The following SMYD1 variants were observed in gnomAD, a reference collection of about 807,000 sequenced individuals.
SMYD1 encodes the protein histone-lysine N-methyltransferase SMYD1.
Under a neutral mutation model 54.0 loss-of-function variants are expected in SMYD1, and 49 were observed. The ratio of observed to expected loss-of-function variants is 0.91; its 90% CI spans 0.72 to 1.15. The LOEUF (loss-of-function observed/expected upper bound fraction) is 1.15, where lower values mean the gene tolerates loss of function less well. Among genes scored for constraint, SMYD1 ranks in the 50% most tolerant of loss-of-function variants. SMYD1 has a pLI of 0.00. For synonymous variants in SMYD1, 269 were observed against 234.2 expected (o/e 1.15, Z -1.36); for missense variants, 653 against 639.6 (o/e 1.02, Z -0.23).
intron 8 of SMYD1, among the ~76,000 whole-genome samples, chr2:88,107,577 G>A (rs1345848741): frequency 6.6e-6 from 1 of 152,198 alleles, no homozygotes; most frequent in African/African-American, 2.4e-5. Context: ...TCCTTGAGCT[G>A]CAGTGGGCTC....
chr2:88,091,372 G>A (rs1298573903), intron 4 of SMYD1, among the ~76,000 whole-genome samples: 2 of 152,180 alleles, frequency 1.3e-5, no homozygotes, highest in African/African-American at 2.4e-5. Context: ...GTTTCTTGGG[G>A]CTGCCTGGAC....
rs59808789 is a variant in SMYD1, at chr2:88,089,585, G to GTTTTTT, written c.529-1408_529-1403dup. ...TTTTCAGGAGCCAGAGCTTCTACCT[G>GTTTTTT]TTTTTTTTTTTTTTTTTTTTTTTTG... On this transcript the variant is annotated intron_variant, in intron 3 of 9. Coordinates refer to ENST00000419482, the MANE Select transcript of SMYD1 (RefSeq NM_198274.4). Among the ~76,000 whole-genome samples, 9 of 107,014 alleles carry GTTTTTT rather than the reference G, an allele frequency of 8.4e-5. 1 individual carries two copies. The highest frequency in any genetic ancestry group is 7.3e-4 in the South Asian group (2 of 2,748). The allele number at this position is 107,014 out of a possible 152,430, so 70.2% of individuals were successfully genotyped here.
intron 1 of SMYD1, 145 bp downstream of exon 1, chr2:88,068,146 T>C: frequency 8.6e-7 from 1 of 1,165,750 alleles, no homozygotes. Flanking sequence ...AGAGCTAATT[T>C]TTCTGGCACA....
chr2:88,072,129 A>G (rs1467667664), intron 1 of SMYD1, among the ~76,000 whole-genome samples: 1 of 152,058 alleles, frequency 6.6e-6, no homozygotes, highest in Non-Finnish European at 1.5e-5. Context: ...GGGGTCCTGG[A>G]AGAAATACTA....
intron 1 of SMYD1, among the ~76,000 whole-genome samples, chr2:88,076,147 G>C (rs545576196): frequency 6.6e-6 from 1 of 152,276 alleles, no homozygotes; most frequent in Non-Finnish European, 1.5e-5. Flanking sequence ...TGTGGGTCCT[G>C]CCTTGTTTAT....
intron 2 of SMYD1, among the ~76,000 whole-genome samples, chr2:88,087,168 G>T (rs2103992191): frequency 6.6e-6 from 1 of 151,174 alleles, no homozygotes. Context: ...ACCTCTGGAG[G>T]TTAGCATAGC....
intron 1 of SMYD1, among the ~76,000 whole-genome samples, chr2:88,078,176 G>A (rs1674111817): frequency 6.6e-6 from 1 of 152,198 alleles, no homozygotes. Flanking sequence ...CTCTCTGAGT[G>A]ACAGGCAGGA....
rs1674448983 is a variant in SMYD1 at position 88,091,035 on chromosome 2, C to A, written c.552C>A (p.Leu184=). 1 of 1,613,858 alleles carries A rather than the reference C, an allele frequency of 6.2e-7. No individual in the cohort carries two copies. The highest frequency in any genetic ancestry group is 1.3e-5 in the African/African-American group (1 of 74,910). The change falls in exon 4 of 10, where the codon CTC becomes CTA. Residue 184 remains leucine, a synonymous_variant. Transcript: ENST00000419482. ...AGATTAACTGCAACGGTTTTACTCT[C>A]AGTGATCAGAGAGGCCTGCAGGCCG... ...FGVINCNGFT[L]SDQRGLQAVG... is the part of the protein sequence containing the mutation.
At chr2:88,076,387 T>TTTTG (rs1558846938) in intron 1 of SMYD1, among the ~76,000 whole-genome samples, 2 of 152,150 alleles carry the variant, frequency 1.3e-5, no homozygotes, top group East Asian at 1.9e-4. Context: ...GCTAATTGTT[T>TTTTG]TTTGTTTGTT....
intron 2 of SMYD1, among the ~76,000 whole-genome samples, chr2:88,086,321 C>T (rs1034135081): frequency 5.3e-5 from 8 of 152,190 alleles, no homozygotes; most frequent in African/African-American, 1.9e-4. Flanking sequence ...GCAGATCTCT[C>T]CTCAGGGACA....
At position 88,086,074 on chromosome 2, in the gene SMYD1, A is replaced by G. The variant is rs150378478; in HGVS notation, c.314+1582A>G. 2.7e-4 allele frequency among the ~76,000 whole-genome samples: 41 copies of G among 152,348 alleles called. No homozygotes were observed. The East Asian group carries it at 7.7e-3, about 29-fold the overall frequency. On this transcript the variant is annotated intron_variant, in intron 2 of 9. Transcript: ENST00000419482. Reference sequence around the variant, plus strand: ...AGCTACATAGGTGATAGCATTGTATATAATTAAACACACATACACATTCAT... The same window carrying G: ...AGCTACATAGGTGATAGCATTGTATGTAATTAAACACACATACACATTCAT...
chr2:88,069,438 T>C (rs1283085460), intron 1 of SMYD1, among the ~76,000 whole-genome samples: 3 of 152,128 alleles, frequency 2.0e-5, no homozygotes, highest in African/African-American at 7.2e-5. Flanking sequence ...TCTGTGTGTG[T>C]GTATGTGTAT....
rs199845120 is a variant in SMYD1 at position 88,096,794 on chromosome 2, G to C, written c.888+10G>C. 234 of 1,608,940 alleles carry C rather than the reference G, an allele frequency of 1.5e-4. No individual in the cohort carries two copies. Among genetic ancestry groups the C allele is most frequent in the Non-Finnish European group, 1.9e-4 (219 of 1,177,702 alleles). ...GAAAGACAACCCCAAGGTACACACAGCCCTGCTGCTGAGGTGTTTGTGTCT... is the reference window on the plus strand; with the variant it reads ...GAAAGACAACCCCAAGGTACACACACCCCTGCTGCTGAGGTGTTTGTGTCT... On this transcript the variant is annotated intron_variant, in intron 6 of 9. Coordinates refer to ENST00000419482, the MANE Select transcript of SMYD1 (RefSeq NM_198274.4).
intron 2 of SMYD1, among the ~76,000 whole-genome samples, chr2:88,085,757 A>G (rs1373851546): frequency 6.6e-6 from 1 of 152,130 alleles, no homozygotes; most frequent in Admixed American, 6.5e-5. Flanking sequence ...TATTTTCCCC[A>G]GTGCTGCCCT....
chr2:88,096,364 C>T (rs1306000830), intron 5 of SMYD1, among the ~76,000 whole-genome samples: 2 of 152,140 alleles, frequency 1.3e-5, no homozygotes, highest in Non-Finnish European at 2.9e-5. Flanking sequence ...TGAGCTGATT[C>T]CACAGTAGTT....
At chr2:88,106,278 T>A (rs1325943339) in intron 7 of SMYD1, 47 bp from the exon 8 acceptor site, 2 of 1,601,614 alleles carry the variant, frequency 1.2e-6, no homozygotes, top group Non-Finnish European at 8.5e-7. Flanking sequence ...GAATTAAACG[T>A]GTGCTCTGGT....
At chr2:88,103,180 G>A (rs773396057) in intron 7 of SMYD1, 30 bp downstream of exon 7, 18 of 1,594,574 alleles carry the variant, frequency 1.1e-5, no homozygotes, top group Non-Finnish European at 1.5e-5. Flanking sequence ...AGAGGATGGG[G>A]GTAGAAAGGA....
intron 1 of SMYD1, among the ~76,000 whole-genome samples, chr2:88,079,603 C>T (rs954292823): frequency 2.6e-4 from 39 of 152,114 alleles, no homozygotes; most frequent in African/African-American, 8.0e-4. Flanking sequence ...GGGCAGATCA[C>T]GAGGTCAGGA....
chr2:88,112,999 C>G lies in SMYD1; in HGVS notation c.*2487C>G, dbSNP rs1675065231. 1 of 152,200 alleles carries G rather than the reference C, an allele frequency of 6.6e-6. No homozygotes were observed. The highest frequency in any genetic ancestry group is 1.5e-5 in the Non-Finnish European group (1 of 68,056). The allele number at this position is 152,200 out of a possible 1,614,324, so 9.4% of individuals were successfully genotyped here. ...TGTATTCCCCGATCTTGCATTTGAGCTCCAGCCCCACTCATCCTCTCGGAT... is the reference window on the plus strand; with the variant it reads ...TGTATTCCCCGATCTTGCATTTGAGGTCCAGCCCCACTCATCCTCTCGGAT... On this transcript the variant is annotated 3_prime_UTR_variant, in exon 10 of 10. Transcript: ENST00000419482.
Sources: allele counts gnomAD v4.1 joint callset (sites outside exome capture counted in the v4.1 genomes callset), GRCh38; gene constraint gnomAD v4.1.1; transcripts MANE v1.5; gene names NCBI Gene and HGNC (gene_info 2026-07-23, HGNC 2026-07-21).